Variants in SPOCK1 observed in about 807,000 individuals in gnomAD.
The protein encoded by SPOCK1 is SPARC (osteonectin), cwcv and kazal like domains proteoglycan 1.
Under a neutral mutation model 55.3 loss-of-function variants are expected in SPOCK1, and 23 were observed. The ratio of observed to expected loss-of-function variants is 0.42; its 90% CI spans 0.30 to 0.59. The LOEUF (loss-of-function observed/expected upper bound fraction) is 0.59, where lower values mean the gene tolerates loss of function less well. Among genes scored for constraint, SPOCK1 ranks in the 20% least tolerant of loss-of-function variants. SPOCK1 has a pLI of 0.22. For synonymous variants in SPOCK1, 226 were observed against 221.0 expected (o/e 1.02, Z -0.20); for missense variants, 499 against 552.5 (o/e 0.90, Z 0.97).
intron 2 of SPOCK1, among the ~76,000 whole-genome samples, chr5:137,354,025 T>C (rs1580881647): frequency 6.6e-6 from 1 of 152,164 alleles, no homozygotes; most frequent in South Asian, 2.1e-4. Flanking sequence ...CATTTGCCCT[T>C]TCCTTTCCAC....
intron 3 of SPOCK1, among the ~76,000 whole-genome samples, chr5:137,153,925 A>G (rs1242347415): frequency 6.6e-6 from 1 of 152,010 alleles, no homozygotes; most frequent in Non-Finnish European, 1.5e-5. Flanking sequence ...GGAAAGAAGA[A>G]ATAGATAAGG....
intron 2 of SPOCK1, among the ~76,000 whole-genome samples, chr5:137,280,691 T>C (rs1201464193): frequency 6.6e-6 from 1 of 152,144 alleles, no homozygotes; most frequent in Non-Finnish European, 1.5e-5. Flanking sequence ...CTTGAACAAA[T>C]TACCAAGACC....
At chr5:137,160,811 A>G (rs1316810629) in intron 3 of SPOCK1, among the ~76,000 whole-genome samples, 4 of 142,442 alleles carry the variant, frequency 2.8e-5, no homozygotes, top group Non-Finnish European at 4.5e-5. Context: ...AAAACAGTGT[A>G]CAGATTCCTA....
intron 2 of SPOCK1, among the ~76,000 whole-genome samples, chr5:137,300,446 A>T (rs988312751): frequency 1.3e-5 from 2 of 152,240 alleles, no homozygotes; most frequent in African/African-American, 4.8e-5. Context: ...TGTATAGAAC[A>T]TACTGTTGGC....
At chr5:137,184,103 A>G (rs1755020411) in intron 3 of SPOCK1, among the ~76,000 whole-genome samples, 1 of 152,202 alleles carries the variant, frequency 6.6e-6, no homozygotes, top group Non-Finnish European at 1.5e-5. Context: ...AGGATTCTCC[A>G]GGACAAGAAC....
intron 2 of SPOCK1, among the ~76,000 whole-genome samples, chr5:137,342,460 T>G (rs1750452805): frequency 6.6e-6 from 1 of 152,212 alleles, no homozygotes; most frequent in East Asian, 1.9e-4. Context: ...AGCCAATCTC[T>G]GCTGTGTCCG....
chr5:137,060,613 A>ATG (rs1377559340), intron 6 of SPOCK1, among the ~76,000 whole-genome samples: 1 of 145,668 alleles, frequency 6.9e-6, no homozygotes, highest in African/African-American at 2.4e-5. Flanking sequence ...AATAAAAAGA[A>ATG]TGTATGTTAA....
rs373432242 is a variant in SPOCK1 at position 137,069,748 on chromosome 5, CCT to C, written c.475-1921_475-1920del. On this transcript the variant is annotated intron_variant, in intron 5 of 10. Transcript: ENST00000394945. ...TTCTGGGCTAGTTCTCTGGAACAAT[CCT>C]CTGTTTCAGACTAGTGGTTCTCTGG... Among the ~76,000 whole-genome samples the C allele has an allele frequency of 4.1e-4, 63 of 152,342 alleles. No homozygotes were observed. The East Asian group carries it at 0.011, about 28-fold the overall frequency.
intron 3 of SPOCK1, among the ~76,000 whole-genome samples, chr5:137,199,805 A>T (rs1580803985): frequency 6.6e-6 from 1 of 152,208 alleles, no homozygotes; most frequent in African/African-American, 2.4e-5. Context: ...TACATGCCCA[A>T]CCTGGGTCCC....
intron 8 of SPOCK1, 90 bp from the exon 9 acceptor site, chr5:136,985,292 A>G (rs776925644): frequency 1.6e-6 from 2 of 1,214,548 alleles, no homozygotes; most frequent in African/African-American, 1.5e-5. Context: ...AATGTAGACA[A>G]TGACACACCT....
At chr5:137,058,942 C>T (rs910273227) in intron 6 of SPOCK1, among the ~76,000 whole-genome samples, 3 of 152,184 alleles carry the variant, frequency 2.0e-5, no homozygotes, top group African/African-American at 7.2e-5. Flanking sequence ...AGGACCAGAG[C>T]ATGTTGCCTT....
intron 3 of SPOCK1, among the ~76,000 whole-genome samples, chr5:137,208,565 A>T (rs1755558927): frequency 6.6e-6 from 1 of 152,208 alleles, no homozygotes; most frequent in South Asian, 2.1e-4. Flanking sequence ...AGCAACATGG[A>T]TGCAGCTGGA....
chr5:137,058,104 G>T (rs1034362622), intron 6 of SPOCK1, among the ~76,000 whole-genome samples: 1 of 152,218 alleles, frequency 6.6e-6, no homozygotes, highest in African/African-American at 2.4e-5. Context: ...CCGAAAGCAT[G>T]GGAAAATTTA....
intron 5 of SPOCK1, among the ~76,000 whole-genome samples, chr5:137,085,565 G>T (rs1752947753): frequency 6.6e-6 from 1 of 152,190 alleles, no homozygotes; most frequent in African/African-American, 2.4e-5. Context: ...CCACACTGGG[G>T]AGGAAGAACA....
At chr5:137,131,947 G>A (rs1753887947) in intron 4 of SPOCK1, among the ~76,000 whole-genome samples, 2 of 116,876 alleles carry the variant, frequency 1.7e-5, no homozygotes, top group African/African-American at 3.6e-5. Context: ...ACTCCAGCCT[G>A]GGCGACAGAG....
intron 2 of SPOCK1, among the ~76,000 whole-genome samples, chr5:137,434,585 C>T (rs1393207849): frequency 4.7e-5 from 7 of 147,636 alleles, no homozygotes; most frequent in South Asian, 4.3e-4. Context: ...CTGCAAGCTC[C>T]GCCTCCTGGG....
chr5:137,035,075 A>C (rs2126987837), intron 6 of SPOCK1, among the ~76,000 whole-genome samples: 1 of 152,062 alleles, frequency 6.6e-6, no homozygotes, highest in East Asian at 1.9e-4. Context: ...GCCACAAGCA[A>C]CTCCTCAGGC....
intron 3 of SPOCK1, among the ~76,000 whole-genome samples, chr5:137,214,581 A>T (rs942861869): frequency 6.6e-6 from 1 of 152,246 alleles, no homozygotes; most frequent in Admixed American, 6.5e-5. Flanking sequence ...ATAAGCATGT[A>T]TCAGTAGCTG....
At chr5:137,186,396 T>C (rs930275) in intron 3 of SPOCK1, among the ~76,000 whole-genome samples, 91,665 of 152,042 alleles carry the variant, frequency 0.6, 27,955 homozygotes, top group East Asian at 0.73. Context: ...GGGCTAGGAC[T>C]GCTCCTGCTC....
Sources: gnomAD v4.1 joint callset for allele counts (sites outside exome capture counted in the v4.1 genomes callset) on GRCh38, gnomAD v4.1.1 for gene constraint, MANE v1.5 for transcripts, NCBI Gene and HGNC (gene_info 2026-07-23, HGNC 2026-07-21) for gene names.